The following SCN9A variants were observed in gnomAD, a reference collection of about 807,000 sequenced individuals.
The protein encoded by SCN9A is sodium voltage-gated channel alpha subunit 9.
A neutral mutation model predicts 187.0 loss-of-function variants in SCN9A; 131 were observed. The observed-to-expected ratio is 0.70, with a 90% confidence interval of 0.61 to 0.81. The LOEUF (loss-of-function observed/expected upper bound fraction) is 0.81, where lower values mean the gene tolerates loss of function less well. Among genes scored for constraint, SCN9A ranks in the 30% least tolerant of loss-of-function variants. The pLI, the probability that SCN9A is intolerant of heterozygous loss-of-function variation, is 0.00. For synonymous variants in SCN9A, 809 were observed against 808.6 expected (o/e 1.00, Z -0.01); for missense variants, 2,252 against 2,396.6 (o/e 0.94, Z 1.26).
chr2:166,230,956 G>GCATTATTT (rs1297757932), intron 21 of SCN9A, among the ~76,000 whole-genome samples: 1 of 152,128 alleles, frequency 6.6e-6, no homozygotes, highest in Non-Finnish European at 1.5e-5. Context: ...TGCCTCAAAT[G>GCATTATTT]CATTATTTCA....
chr2:166,370,220 A>ATCATCATCATCATCATC (rs1553507698), intron 1 of SCN9A, among the ~76,000 whole-genome samples: 30 of 97,852 alleles, frequency 3.1e-4, no homozygotes, highest in African/African-American at 1.1e-3. Flanking sequence ...TAATAATAAT[A>ATCATCATCATCATCATC]ATAATAATAA....
At chr2:166,277,848 C>T (rs1270715787) in intron 15 of SCN9A, 5 of 292,156 alleles carry the variant, frequency 1.7e-5, no homozygotes, top group Non-Finnish European at 2.4e-5. Context: ...ATTCTGTAAG[C>T]CACAAGCTTC....
At chr2:166,250,517 G>A (rs540090701) in intron 18 of SCN9A, among the ~76,000 whole-genome samples, 104 of 152,084 alleles carry the variant, frequency 6.8e-4, no homozygotes, top group African/African-American at 2.3e-3. Context: ...CAGATAAGTC[G>A]GCAAATTAGA....
chr2:166,199,590 G>A lies in SCN9A; in HGVS notation c.5049C>T (p.Thr1683=), dbSNP rs759618043. The part of the protein sequence containing the change: ...DGINDMFNFE[T]FGNSMICLFQ... Reference sequence around the variant, plus strand: ...ACAGGCAAATCATACTGTTGCCAAAGGTCTCAAAATTGAACATGTCATTAA... The same window carrying A: ...ACAGGCAAATCATACTGTTGCCAAAAGTCTCAAAATTGAACATGTCATTAA... The change falls in exon 27 of 27, where the codon ACC becomes ACT. Residue 1683 remains threonine (T), a synonymous_variant. Transcript: ENST00000642356. The A allele has an allele frequency of 5.0e-6, 8 of 1,613,976 alleles. No individual in the cohort carries two copies. In the Admixed American group the frequency reaches 1.3e-4, roughly 27 times the overall value.
chr2:166,284,923 G>A, intron 11 of SCN9A, 99 bp from the exon 12 acceptor site: 2 of 1,279,820 alleles, frequency 1.6e-6, no homozygotes, highest in Non-Finnish European at 2.1e-6. Context: ...AGGGCAGGTG[G>A]CTCTGTACTG....
At chr2:166,206,041 T>C (rs1304642930) in intron 24 of SCN9A, among the ~76,000 whole-genome samples, 3 of 152,068 alleles carry the variant, frequency 2.0e-5, no homozygotes, top group Non-Finnish European at 2.9e-5. Context: ...TGTGGAGAAA[T>C]AGCAACGCTT....
chr2:166,274,468 T>C (rs868308146), intron 16 of SCN9A, among the ~76,000 whole-genome samples: 14 of 152,094 alleles, frequency 9.2e-5, no homozygotes, highest in Admixed American at 3.3e-4. Context: ...ACCATTTCAA[T>C]TAACTGGCAA....
intron 24 of SCN9A, among the ~76,000 whole-genome samples, chr2:166,210,312 G>A (rs1021919839): frequency 6.6e-6 from 1 of 151,940 alleles, no homozygotes; most frequent in Non-Finnish European, 1.5e-5. Flanking sequence ...GTTGTGGGGT[G>A]GGGGGAGGAG....
At position 166,228,863 on chromosome 2, in the gene SCN9A, C is replaced by T. The variant is rs200961164; in HGVS notation, c.4034G>A (p.Gly1345Asp). Residue 1345 changes from glycine to aspartate, a missense_variant, in exon 22 of 27, where the codon GGC becomes GAC. Gly to Asp is a moderately conservative substitution (Grantham distance 94). Around this residue, in one of 7 missense-constraint regions of SCN9A, gnomAD observed 368 missense variants for 408.6 expected, o/e 0.90. Coordinates refer to ENST00000642356, the MANE Select transcript of SCN9A (RefSeq NM_001365536.1). ...FSIMGVNLFA[G>D]KFYECINTTD... is the part of the protein sequence containing the mutation. ...GGTGTTAATACACTCATAGAACTTG[C>T]CAGCAAACAAATTTACTCCCATGAT... 1.9e-6 allele frequency: 3 copies of T among 1,613,786 alleles called. No individual in the cohort carries two copies. The highest frequency in any genetic ancestry group is 2.5e-6 in the Non-Finnish European group (3 of 1,179,756).
intron 19 of SCN9A, among the ~76,000 whole-genome samples, chr2:166,239,295 A>G (rs1223401316): frequency 1.3e-5 from 2 of 151,972 alleles, no homozygotes; most frequent in Non-Finnish European, 2.9e-5. Context: ...CTAAAGTGTT[A>G]GAACTTTCTC....
chr2:166,331,552 T>C (rs1003818037), intron 1 of SCN9A, among the ~76,000 whole-genome samples: 3 of 152,218 alleles, frequency 2.0e-5, no homozygotes, highest in African/African-American at 7.2e-5. Flanking sequence ...TATCTCAACA[T>C]GTTTGGCCAT....
At chr2:166,327,673 T>A (rs1699397613) in intron 1 of SCN9A, among the ~76,000 whole-genome samples, 1 of 70,754 alleles carries the variant, frequency 1.4e-5, no homozygotes, top group African/African-American at 1.2e-4. Flanking sequence ...ATCTATACAA[T>A]CCTCTTTCCT....
intron 24 of SCN9A, among the ~76,000 whole-genome samples, chr2:166,219,242 T>G (rs4578872): frequency 0.88 from 134,220 of 152,222 alleles, 59,242 homozygotes; most frequent in East Asian, 0.95. Context: ...GAAATACATT[T>G]TTCTATTATA....
chr2:166,233,785 G>A (rs1695198030), intron 20 of SCN9A, among the ~76,000 whole-genome samples: 1 of 152,044 alleles, frequency 6.6e-6, no homozygotes, highest in Non-Finnish European at 1.5e-5. Context: ...AATTTAATTA[G>A]AACAATGGTG....
At chr2:166,284,345 G>A in intron 12 of SCN9A, 108 bp downstream of exon 12, 1 of 1,310,140 alleles carries the variant, frequency 7.6e-7, no homozygotes. Context: ...AAAAAGTATT[G>A]CAAAATGCAG....
chr2:166,285,375 C>T (rs568480747), intron 11 of SCN9A, among the ~76,000 whole-genome samples: 32 of 152,262 alleles, frequency 2.1e-4, no homozygotes, highest in African/African-American at 6.7e-4. Flanking sequence ...TCAATTCATG[C>T]TTATATGACT....
intron 26 of SCN9A, among the ~76,000 whole-genome samples, chr2:166,200,136 T>G (rs1462325757): frequency 1.3e-5 from 2 of 148,304 alleles, no homozygotes; most frequent in African/African-American, 2.5e-5. Context: ...TAGCTGGGAC[T>G]ACAGGCGCCC....
At chr2:166,256,184 C>T (rs887374884) in intron 17 of SCN9A, among the ~76,000 whole-genome samples, 1 of 151,012 alleles carries the variant, frequency 6.6e-6, no homozygotes, top group Non-Finnish European at 1.5e-5. Context: ...TTATTTTTTT[C>T]CTTCTGGAGA....
chr2:166,306,623 A>T, intron 3 of SCN9A, 24 bp from the exon 4 acceptor site: 1 of 1,439,768 alleles, frequency 6.9e-7, no homozygotes, highest in Non-Finnish European at 9.6e-7. Context: ...AAGGAACAAA[A>T]GAGACGACAG....
Sources: gnomAD v4.1 joint callset for allele counts (sites outside exome capture counted in the v4.1 genomes callset) on GRCh38, gnomAD v4.1.1 for gene constraint, gnomAD v4.1.1 regional missense constraint, MANE v1.5 for transcripts, NCBI Gene and HGNC (gene_info 2026-07-23, HGNC 2026-07-21) for gene names.